ADAMTS19: variants seen among roughly 807,000 people sequenced by gnomAD.
ADAMTS19 encodes ADAM metallopeptidase with thrombospondin type 1 motif 19, also known as A disintegrin and metalloproteinase with thrombospondin motifs 19.
A neutral mutation model predicts 153.3 loss-of-function variants in ADAMTS19; 93 were observed. That is an observed-to-expected ratio of 0.61 (90% CI 0.51 to 0.72). The LOEUF (loss-of-function observed/expected upper bound fraction) is 0.72, where lower values mean the gene tolerates loss of function less well. ADAMTS19 is among the 30% of genes least tolerant of loss of function. ADAMTS19 has a pLI of 0.00. For synonymous variants in ADAMTS19, 600 were observed against 556.6 expected (o/e 1.08, Z -1.10); for missense variants, 1,482 against 1,552.1 (o/e 0.95, Z 0.76).
intron 2 of ADAMTS19, among the ~76,000 whole-genome samples, chr5:129,471,504 A>T (rs924969646): frequency 8.7e-5 from 13 of 150,096 alleles, no homozygotes; most frequent in African/African-American, 3.3e-4. Context: ...GGCAGGCAAG[A>T]CTCTGTCTCT....
intron 8 of ADAMTS19, among the ~76,000 whole-genome samples, chr5:129,615,733 A>T (rs1404167825): frequency 6.6e-6 from 1 of 151,990 alleles, no homozygotes; most frequent in Admixed American, 6.6e-5. Flanking sequence ...AAGTAAAAAG[A>T]ATCAGCACCA....
At chr5:129,626,591 A>G (rs916289671) in intron 10 of ADAMTS19, among the ~76,000 whole-genome samples, 5 of 152,062 alleles carry the variant, frequency 3.3e-5, no homozygotes, top group Non-Finnish European at 7.4e-5. Context: ...TCCAGTCCCA[A>G]ATCAGTACAG....
chr5:129,637,073 T>A (rs1752564270), intron 10 of ADAMTS19, among the ~76,000 whole-genome samples: 1 of 152,138 alleles, frequency 6.6e-6, no homozygotes, highest in Non-Finnish European at 1.5e-5. Context: ...TAAATTCACC[T>A]CCTTACACTG....
intron 8 of ADAMTS19, among the ~76,000 whole-genome samples, chr5:129,616,330 T>C (rs1751524593): frequency 6.6e-6 from 1 of 152,020 alleles, no homozygotes; most frequent in Non-Finnish European, 1.5e-5. Flanking sequence ...TTCTTTCTTT[T>C]ATTAATGTTT....
At chr5:129,569,577 G>A (rs1052208200) in intron 7 of ADAMTS19, among the ~76,000 whole-genome samples, 3 of 151,986 alleles carry the variant, frequency 2.0e-5, no homozygotes, top group African/African-American at 4.8e-5. Flanking sequence ...AGCTCATAAA[G>A]CAAACCTTTA....
chr5:129,468,613 A>C (rs1474926916), intron 2 of ADAMTS19, among the ~76,000 whole-genome samples: 1 of 152,010 alleles, frequency 6.6e-6, no homozygotes, highest in Admixed American at 6.5e-5. Context: ...TGGCCTCCCA[A>C]AGTGCTGGGA....
chr5:129,576,873 C>T (rs1453603279), intron 7 of ADAMTS19, among the ~76,000 whole-genome samples: 1 of 152,068 alleles, frequency 6.6e-6, no homozygotes, highest in Non-Finnish European at 1.5e-5. Context: ...TTTTATCTTT[C>T]CCCTGATGCT....
At chr5:129,554,318 G>A (rs912514079) in intron 7 of ADAMTS19, among the ~76,000 whole-genome samples, 4 of 152,118 alleles carry the variant, frequency 2.6e-5, no homozygotes, top group Admixed American at 2.0e-4. Flanking sequence ...TGTTAGGAAA[G>A]GGTAACCCTA....
chr5:129,679,986 C>T (rs963836615), intron 17 of ADAMTS19, 65 bp downstream of exon 17: 1 of 1,422,456 alleles, frequency 7.0e-7, no homozygotes, highest in Non-Finnish European at 9.4e-7. Context: ...ATTCCCAGTG[C>T]ACTTCCTCTA....
At chr5:129,561,086 A>G (rs1414021297) in intron 7 of ADAMTS19, among the ~76,000 whole-genome samples, 3 of 152,218 alleles carry the variant, frequency 2.0e-5, no homozygotes, top group African/African-American at 7.2e-5. Context: ...AAAACATCAA[A>G]TGTTAGCATA....
chr5:129,658,347 A>AGAGAGAGAGAGAGAGAGAGAGAGAG lies in ADAMTS19; in HGVS notation c.2305-270_2305-269insGAGAGAGAGAGAGAGAGAGAGAGAG, dbSNP rs1554103336. On this transcript the variant is annotated intron_variant, in intron 14 of 22. Transcript: ENST00000274487. ...AAAGAAAGAAAGAAAGAAAGAAAGA[A>AGAGAGAGAGAGAGAGAGAGAGAGAG]AGAAAGAAAGAAAGAAAGAAAGAGA... Among the ~76,000 whole-genome samples the AGAGAGAGAGAGAGAGAGAGAGAGAG allele has an allele frequency of 1.9e-4, 22 of 115,990 alleles. 1 individual carries two copies. The highest frequency in any genetic ancestry group is 7.4e-4 in the African/African-American group (20 of 27,126). 76.1% of individuals were successfully genotyped at this position (115,990 alleles called of 152,430 possible).
At chr5:129,536,917 C>T (rs1406099712) in intron 6 of ADAMTS19, among the ~76,000 whole-genome samples, 5 of 126,568 alleles carry the variant, frequency 4.0e-5, no homozygotes, top group African/African-American at 1.2e-4. Context: ...TGTGGGGTGG[C>T]GGGTCGGGGG....
chr5:129,511,972 A>T (rs1333443621), intron 3 of ADAMTS19, among the ~76,000 whole-genome samples: 1 of 151,978 alleles, frequency 6.6e-6, no homozygotes, highest in African/African-American at 2.4e-5. Flanking sequence ...ACACATGAAA[A>T]AGTATAAAGG....
intron 21 of ADAMTS19, among the ~76,000 whole-genome samples, chr5:129,711,854 G>A (rs1405062497): frequency 1.3e-5 from 2 of 152,066 alleles, no homozygotes; most frequent in South Asian, 2.1e-4. Context: ...TTGGTAAATC[G>A]CAAAGAGGAA....
chr5:129,504,872 GACACACACACACACACACAC>G (rs34742030), intron 2 of ADAMTS19, among the ~76,000 whole-genome samples: 1 of 148,110 alleles, frequency 6.8e-6, no homozygotes, highest in African/African-American at 2.5e-5. Flanking sequence ...CACACACACA[GACACACACACACACACACAC>G]ACACACACAC....
chr5:129,683,762 C>T (rs1399546840), intron 17 of ADAMTS19, among the ~76,000 whole-genome samples: 1 of 151,016 alleles, frequency 6.6e-6, no homozygotes, highest in African/African-American at 2.4e-5. Context: ...TTGCCCACCT[C>T]CAACTAAAGT....
chr5:129,678,676 T>C (rs1561644266), intron 16 of ADAMTS19, among the ~76,000 whole-genome samples: 1 of 152,190 alleles, frequency 6.6e-6, no homozygotes, highest in Admixed American at 6.5e-5. Flanking sequence ...TTGAAACTGT[T>C]TTTCAAAATC....
At chr5:129,480,626 G>T (rs1331004580) in intron 2 of ADAMTS19, among the ~76,000 whole-genome samples, 2 of 152,100 alleles carry the variant, frequency 1.3e-5, no homozygotes, top group African/African-American at 4.8e-5. Flanking sequence ...TGGAAAAAAA[G>T]TTCGTGAAAA....
chr5:129,471,390 A>G lies in ADAMTS19; in HGVS notation c.747+9633A>G, dbSNP rs377483807. On this transcript the variant is annotated intron_variant, in intron 2 of 22. Transcript: ENST00000274487. ...CAAAAGAATGAAAGAAAGACAGAGA[A>G]AGAGAGGGATAGGGAGGGAAGGAGG... 5.3e-5 allele frequency among the ~76,000 whole-genome samples: 8 copies of G among 150,656 alleles called. No individual in the cohort carries two copies. The South Asian group carries it at 1.1e-3, about 20-fold the overall frequency.
Sources: gnomAD v4.1 joint callset for allele counts (sites outside exome capture counted in the v4.1 genomes callset) on GRCh38, gnomAD v4.1.1 for gene constraint, MANE v1.5 for transcripts, NCBI Gene and HGNC (gene_info 2026-07-23, HGNC 2026-07-21) for gene names.